The following YPEL1 variants were observed in gnomAD, a reference collection of about 807,000 sequenced individuals.
The protein encoded by YPEL1 is yippee like 1, also known as protein yippee-like 1.
A neutral mutation model predicts 17.3 loss-of-function variants in YPEL1; 7 were observed. The ratio of observed to expected loss-of-function variants is 0.40; its 90% CI spans 0.23 to 0.76. The LOEUF (loss-of-function observed/expected upper bound fraction) is 0.76, where lower values mean the gene tolerates loss of function less well. Ranked by LOEUF, YPEL1 falls within the 30% of genes least tolerant of loss-of-function variation. The pLI, the probability that YPEL1 is intolerant of heterozygous loss-of-function variation, is 0.35. For synonymous variants in YPEL1, 59 were observed against 59.6 expected (o/e 0.99, Z 0.05); for missense variants, 91 against 155.5 (o/e 0.59, Z 2.21).
chr22:21,732,507 C>T (rs771403038), intron 1 of YPEL1, among the ~76,000 whole-genome samples: 5 of 152,148 alleles, frequency 3.3e-5, no homozygotes, highest in African/African-American at 4.8e-5. Flanking sequence ...GTTGGCCAGG[C>T]GCGGTGGCTC....
At chr22:21,707,068 C>T (rs774164776) in intron 2 of YPEL1, among the ~76,000 whole-genome samples, 3 of 151,926 alleles carry the variant, frequency 2.0e-5, no homozygotes, top group South Asian at 2.1e-4. Flanking sequence ...CAAGTCTCCT[C>T]GTTTACACAT....
chr22:21,719,058 C>G (rs749046688), intron 1 of YPEL1, among the ~76,000 whole-genome samples: 4 of 152,158 alleles, frequency 2.6e-5, no homozygotes, highest in African/African-American at 9.7e-5. Context: ...AACTACTGGG[C>G]CCTTCATGAA....
intron 1 of YPEL1, among the ~76,000 whole-genome samples, chr22:21,717,302 G>C (rs995605067): frequency 1.1e-4 from 17 of 151,746 alleles, no homozygotes; most frequent in Non-Finnish European, 2.2e-4. Context: ...CTTGAACCCG[G>C]GAGGCGGAGG....
At chr22:21,730,255 G>A (rs781030856) in intron 1 of YPEL1, among the ~76,000 whole-genome samples, 22 of 151,952 alleles carry the variant, frequency 1.4e-4, no homozygotes, top group Admixed American at 2.0e-4. Flanking sequence ...CCAGAGTCTC[G>A]CTCTGTCTCC....
chr22:21,731,575 C>T (rs929973617), intron 1 of YPEL1, among the ~76,000 whole-genome samples: 12 of 147,500 alleles, frequency 8.1e-5, no homozygotes, highest in African/African-American at 3.0e-4. Flanking sequence ...CAAAGAGGAA[C>T]CAGAAAAGGT....
At chr22:21,721,233 C>A (rs570092655) in intron 1 of YPEL1, among the ~76,000 whole-genome samples, 1 of 152,144 alleles carries the variant, frequency 6.6e-6, no homozygotes, top group Non-Finnish European at 1.5e-5. Flanking sequence ...AAGCCTCAGC[C>A]TCCTGAGTAG....
intron 1 of YPEL1, among the ~76,000 whole-genome samples, chr22:21,721,286 T>G (rs541617593): frequency 1.3e-4 from 19 of 151,170 alleles, no homozygotes; most frequent in South Asian, 4.2e-4. Flanking sequence ...CTAATTTTTT[T>G]TGTGTGTATT....
intron 2 of YPEL1, among the ~76,000 whole-genome samples, chr22:21,710,229 AC>A (rs2068151759): frequency 6.6e-6 from 1 of 152,068 alleles, no homozygotes; most frequent in Non-Finnish European, 1.5e-5. Context: ...TTTCTGAGCA[AC>A]CCCTTTCCTT....
At chr22:21,715,342 AT>A (rs2068210452) in intron 1 of YPEL1, among the ~76,000 whole-genome samples, 1 of 151,890 alleles carries the variant, frequency 6.6e-6, no homozygotes, top group African/African-American at 2.4e-5. Context: ...AAAAATACAA[AT>A]ATTAGCTGGG....
At chr22:21,717,392 A>C (rs2068238131) in intron 1 of YPEL1, among the ~76,000 whole-genome samples, 1 of 151,682 alleles carries the variant, frequency 6.6e-6, no homozygotes, top group Admixed American at 6.6e-5. Flanking sequence ...AAAAAAAAAA[A>C]CAAAAAAACA....
At chr22:21,729,981 G>A (rs1376509342) in intron 1 of YPEL1, among the ~76,000 whole-genome samples, 5 of 151,796 alleles carry the variant, frequency 3.3e-5, no homozygotes, top group Non-Finnish European at 5.9e-5. Flanking sequence ...GTGAAACCTC[G>A]TCTCTACTAA....
Position 21,734,578 on chromosome 22 carries a change from C to CTTT in YPEL1, c.-165+1036_-165+1037insAAA, listed in dbSNP as rs1319617209. Among the ~76,000 whole-genome samples, 282 of 152,282 alleles carry CTTT rather than the reference C, an allele frequency of 1.9e-3. 4 individuals carry two copies. Among genetic ancestry groups the CTTT allele is most frequent in the African/African-American group, 6.5e-3 (272 of 41,548 alleles). On this transcript the variant is annotated intron_variant, in intron 1 of 4. Coordinates refer to ENST00000339468, the MANE Select transcript of YPEL1 (RefSeq NM_013313.5). The stretch of plus-strand genomic sequence containing the variant: ...GTAGATGAGACTCTACCCTGTAGGG[C>CTTT]CCAAGAGGAAACACCATGAAGGTCC...
intron 2 of YPEL1, among the ~76,000 whole-genome samples, chr22:21,706,431 T>C (rs2068116762): frequency 6.9e-6 from 1 of 145,882 alleles, no homozygotes; most frequent in Non-Finnish European, 1.5e-5. Context: ...TCAGGCTCCG[T>C]CTCACAAAAA....
Position 21,703,984 on chromosome 22 carries a change from C to A in YPEL1, c.118-102G>T. 1.5e-6 allele frequency: 2 copies of A among 1,320,474 alleles called. No individual in the cohort carries two copies. The highest frequency in any genetic ancestry group is 2.5e-5 in the South Asian group (2 of 79,522). The allele number at this position is 1,320,474 out of a possible 1,614,324, so 81.8% of individuals were successfully genotyped here. Reference sequence around the variant, plus strand: ...TCCAGCCCCGCGGCTGTTAGCTGCGCCGGGACGCGTCACCGGGAGCAGACA... The same window carrying A: ...TCCAGCCCCGCGGCTGTTAGCTGCGACGGGACGCGTCACCGGGAGCAGACA... On this transcript the variant is annotated intron_variant, in intron 2 of 4. Transcript: ENST00000339468. This position sits in a 1 kb window ranked among gnomAD's most constrained non-coding sequence, Gnocchi z 6.1.
intron 1 of YPEL1, among the ~76,000 whole-genome samples, chr22:21,733,637 G>A (rs893101794): frequency 6.6e-6 from 1 of 150,774 alleles, no homozygotes; most frequent in Non-Finnish European, 1.5e-5. Flanking sequence ...CAGGTGGATG[G>A]CTTGAACCTA....
intron 4 of YPEL1, among the ~76,000 whole-genome samples, chr22:21,701,823 G>T (rs2068069376): frequency 1.3e-5 from 2 of 152,190 alleles, no homozygotes; most frequent in Non-Finnish European, 2.9e-5. Flanking sequence ...ACTTTGGGAG[G>T]CCAAGGAAGG....
intron 1 of YPEL1, among the ~76,000 whole-genome samples, chr22:21,711,366 A>G (rs2068164196): frequency 6.6e-6 from 1 of 152,218 alleles, no homozygotes; most frequent in East Asian, 1.9e-4. Context: ...CATTGATTCA[A>G]ATTCTTCTTA....
At chr22:21,723,831 G>T (rs1274130939) in intron 1 of YPEL1, among the ~76,000 whole-genome samples, 2 of 150,964 alleles carry the variant, frequency 1.3e-5, no homozygotes, top group Non-Finnish European at 2.9e-5. Context: ...ACGCCCAGCT[G>T]ATTTTTTGTA....
chr22:21,726,518 G>GGA, intron 1 of YPEL1, among the ~76,000 whole-genome samples: 1 of 152,196 alleles, frequency 6.6e-6, no homozygotes, highest in East Asian at 1.9e-4. Context: ...CTGAGAGGGA[G>GGA]GAGCATCAGC....
Sources: gnomAD v4.1 joint callset for allele counts (sites outside exome capture counted in the v4.1 genomes callset) on GRCh38, gnomAD v4.1.1 for gene constraint, Gnocchi (gnomAD v3.1) non-coding constraint, MANE v1.5 for transcripts, NCBI Gene and HGNC (gene_info 2026-07-23, HGNC 2026-07-21) for gene names.